LINGO2: variants seen among roughly 807,000 people sequenced by gnomAD.
LINGO2 encodes leucine-rich repeat and immunoglobulin-like domain-containing nogo receptor-interacting protein 2.
Under a neutral mutation model 30.6 loss-of-function variants are expected in LINGO2, and 14 were observed. The ratio of observed to expected loss-of-function variants is 0.46; its 90% CI spans 0.30 to 0.72. LINGO2 has a LOEUF of 0.72. Ranked by LOEUF, LINGO2 falls within the 30% of genes least tolerant of loss-of-function variation. The pLI is 0.07. For synonymous variants in LINGO2, 317 were observed against 288.5 expected, an observed-to-expected ratio of 1.10 and a Z score of -1.00; for missense variants, 729 against 751.7, an observed-to-expected ratio of 0.97 and a Z score of 0.35.
At chr9:28,890,466 G>A in the LINGO2 span, among the ~76,000 whole-genome samples, 1 of 152,048 alleles carries the variant, frequency 6.6e-6, no homozygotes, top group Non-Finnish European at 1.5e-5. Flanking sequence ...GAAGAAGAAT[G>A]CCACAATGAA....
intron 4 of LINGO2, among the ~76,000 whole-genome samples, chr9:28,017,923 G>T (rs948824146): frequency 2.0e-5 from 3 of 152,110 alleles, no homozygotes; most frequent in Non-Finnish European, 4.4e-5. Context: ...AAAGAAGAAA[G>T]CTGGAGGCAT....
chr9:28,027,576 C>T (rs1323094541), intron 4 of LINGO2, among the ~76,000 whole-genome samples: 4 of 152,170 alleles, frequency 2.6e-5, no homozygotes, highest in African/African-American at 9.7e-5. Context: ...CAGGTGGAGG[C>T]AGACAACCCA....
At chr9:29,105,517 T>C in the LINGO2 span, among the ~76,000 whole-genome samples, 35,845 of 151,996 alleles carry the variant, frequency 0.24, 4,350 homozygotes, top group East Asian at 0.4. Context: ...TTACTAAGAC[T>C]CTAAAGATAG....
At chr9:29,064,799 A>G in the LINGO2 span, among the ~76,000 whole-genome samples, 2 of 152,088 alleles carry the variant, frequency 1.3e-5, no homozygotes, top group Non-Finnish European at 2.9e-5. Flanking sequence ...ATTATAAGTC[A>G]AGGGACTGAC....
chr9:28,217,876 G>T (rs919816839), intron 4 of LINGO2, among the ~76,000 whole-genome samples: 1 of 151,846 alleles, frequency 6.6e-6, no homozygotes, highest in Non-Finnish European at 1.5e-5. Flanking sequence ...TGAGATAATT[G>T]TTTGCAGAAA....
chr9:28,288,499 G>C (rs553185354), intron 4 of LINGO2, among the ~76,000 whole-genome samples: 1 of 152,008 alleles, frequency 6.6e-6, no homozygotes, highest in Admixed American at 6.6e-5. Context: ...CTCTCAGTTC[G>C]TTTGTCCTGA....
At chr9:28,111,742 G>C (rs1215943937) in intron 4 of LINGO2, among the ~76,000 whole-genome samples, 1 of 152,094 alleles carries the variant, frequency 6.6e-6, no homozygotes, top group Non-Finnish European at 1.5e-5. Flanking sequence ...ATGAAGTATA[G>C]TTATCTTCCT....
At chr9:29,051,528 G>T in the LINGO2 span, among the ~76,000 whole-genome samples, 1 of 152,036 alleles carries the variant, frequency 6.6e-6, no homozygotes, top group Non-Finnish European at 1.5e-5. Flanking sequence ...ACTAGATAAA[G>T]GGTAAAACCT....
chr9:28,588,457 G>C lies in LINGO2; in HGVS notation c.-365+81743C>G, dbSNP rs145181135. Among the ~76,000 whole-genome samples, 299 of 151,982 alleles carry C rather than the reference G, an allele frequency of 2.0e-3. 3 individuals carry two copies. The highest frequency in any genetic ancestry group is 6.9e-3 in the African/African-American group (287 of 41,476). On this transcript the variant is annotated intron_variant, in intron 1 of 5. Coordinates refer to ENST00000379992, the Ensembl canonical transcript of LINGO2. ...GAAAAGGGGCTTCCTGGAATTATAA[G>C]ACATGAAGTCCTATACCATAAGTGT...
intron 1 of LINGO2, among the ~76,000 whole-genome samples, chr9:28,491,342 C>T (rs1169865802): frequency 2.0e-5 from 3 of 152,142 alleles, no homozygotes; most frequent in Non-Finnish European, 4.4e-5. Flanking sequence ...ATCACATTGC[C>T]TTCTTATCTG....
At chr9:28,037,747 A>G (rs1266587019) in intron 4 of LINGO2, among the ~76,000 whole-genome samples, 1 of 152,226 alleles carries the variant, frequency 6.6e-6, no homozygotes, top group African/African-American at 2.4e-5. Context: ...GAACCCAGGA[A>G]CTCAAATATG....
intron 5 of LINGO2, among the ~76,000 whole-genome samples, chr9:27,956,374 T>A (rs1241779973): frequency 6.6e-6 from 1 of 152,236 alleles, no homozygotes; most frequent in Non-Finnish European, 1.5e-5. Flanking sequence ...ATATTTTATG[T>A]TCAACATTTT....
rs865786768 is a variant in LINGO2 at position 28,366,869 on chromosome 9, T to A, written c.-246+5967A>T. Among the ~76,000 whole-genome samples the A allele has an allele frequency of 2.0e-5, 3 of 152,204 alleles. No individual in the cohort carries two copies. In the East Asian group the frequency reaches 5.8e-4, roughly 29 times the overall value. On this transcript the variant is annotated intron_variant, in intron 3 of 5. Coordinates refer to ENST00000379992, the Ensembl canonical transcript of LINGO2. ...CACTAATAGGAAAACATAGTAATAATAATAACCTGCTTTATTCTTATCAAC... is the reference window on the plus strand; with the variant it reads ...CACTAATAGGAAAACATAGTAATAAAAATAACCTGCTTTATTCTTATCAAC...
chr9:28,222,352 A>G (rs1442367982), intron 4 of LINGO2, among the ~76,000 whole-genome samples: 3 of 152,182 alleles, frequency 2.0e-5, no homozygotes, highest in African/African-American at 7.2e-5. Flanking sequence ...GTTCCCATAA[A>G]ATTCCAGTCT....
intron 1 of LINGO2, among the ~76,000 whole-genome samples, chr9:28,602,843 G>A (rs1365164545): frequency 6.6e-5 from 10 of 152,068 alleles, no homozygotes; most frequent in African/African-American, 1.9e-4. Flanking sequence ...CAAAACAATC[G>A]CATAATCTGG....
chr9:28,993,420 C>T, the LINGO2 span, among the ~76,000 whole-genome samples: 1 of 152,106 alleles, frequency 6.6e-6, no homozygotes. Context: ...GAATCATAGC[C>T]GAATTCTACC....
chr9:28,016,381 T>G (rs2119311453), intron 4 of LINGO2, among the ~76,000 whole-genome samples: 1 of 152,264 alleles, frequency 6.6e-6, no homozygotes, highest in Admixed American at 6.5e-5. Flanking sequence ...TCTTCTAGGA[T>G]ATTTTTATCC....
chr9:28,826,370 A>C, the LINGO2 span, among the ~76,000 whole-genome samples: 1 of 152,150 alleles, frequency 6.6e-6, no homozygotes, highest in Non-Finnish European at 1.5e-5. Flanking sequence ...ATGAGAACTA[A>C]AAAGCCATAT....
rs987617707 is a variant in LINGO2, at chr9:28,483,779, T to A, written c.-364-7754A>T. 6.6e-5 allele frequency among the ~76,000 whole-genome samples: 10 copies of A among 152,180 alleles called. No individual in the cohort carries two copies. In the East Asian group the frequency reaches 1.5e-3, roughly 24 times the overall value. ...TACAGTTTGATTCATTTCCTAACAT[T>A]TTCAATGCTGTAGTTCATTAAATTA... On this transcript the variant is annotated intron_variant, in intron 1 of 5. Coordinates refer to ENST00000379992, the Ensembl canonical transcript of LINGO2.
Sources: allele counts gnomAD v4.1 joint callset (sites outside exome capture counted in the v4.1 genomes callset), GRCh38; gene constraint gnomAD v4.1.1; transcripts MANE v1.5; gene names NCBI Gene and HGNC (gene_info 2026-07-23, HGNC 2026-07-21).